The following ZNF45 variants were observed in gnomAD, a reference collection of about 807,000 sequenced individuals.
ZNF45 encodes zinc finger protein 45.
A neutral mutation model predicts 12.0 loss-of-function variants in ZNF45; 4 were observed. The ratio of observed to expected loss-of-function variants is 0.33; its 90% confidence interval spans 0.16 to 0.76. The LOEUF is 0.76. ZNF45 is among the 30% of genes least tolerant of loss of function. ZNF45 has a pLI of 0.60. For synonymous variants in ZNF45, 272 were observed against 279.6 expected (o/e 0.97, Z 0.27); for missense variants, 700 against 813.0 (o/e 0.86, Z 1.69).
At chr19:43,920,247 C>G (rs1599772286) in intron 7 of ZNF45, among the ~76,000 whole-genome samples, 1 of 151,868 alleles carries the variant, frequency 6.6e-6, no homozygotes, top group African/African-American at 2.4e-5. Context: ...ATTGATATTC[C>G]ATTTAGAATT....
At position 43,913,701 on chromosome 19, in the gene ZNF45, T is replaced by TA; in HGVS notation, c.1734_1735insT (p.Thr579TyrfsTer9). 7 of 1,613,056 alleles carry TA rather than the reference T, an allele frequency of 4.3e-6. No homozygotes were observed. Among genetic ancestry groups the TA allele is most frequent in the Non-Finnish European group, 5.9e-6 (7 of 1,179,760 alleles). ...TCACATCGGTATGGTTTTTCTCCTGTGTGGACTCCACGATGTGCCAGAAAA... is the reference window on the plus strand; with the variant it reads ...TCACATCGGTATGGTTTTTCTCCTGTAGTGGACTCCACGATGTGCCAGAAAA... On this transcript the variant is annotated frameshift_variant, in exon 10 of 10. Transcript: ENST00000269973. LOFTEE classifies it high-confidence loss of function.
intron 2 of ZNF45, among the ~76,000 whole-genome samples, chr19:43,933,409 G>A (rs56975841): frequency 0.025 from 3,732 of 152,056 alleles, 179 homozygotes; most frequent in African/African-American, 0.086. Flanking sequence ...AGCTGAGATC[G>A]TACCACTGCA....
intron 7 of ZNF45, among the ~76,000 whole-genome samples, chr19:43,920,535 T>TGGGGGGGGGGGGG (rs386389071): frequency 1.8e-4 from 4 of 22,346 alleles, no homozygotes; most frequent in Non-Finnish European, 4.8e-4. Context: ...TGTTGCCGGG[T>TGGGGGGGGGGGGG]GGGGGGGGGG....
At position 43,915,217 on chromosome 19, in the gene ZNF45, A is replaced by G. The variant is rs762883745; in HGVS notation, c.236-17T>C. 15 of 1,477,260 alleles carry G rather than the reference A, an allele frequency of 1.0e-5. No individual in the cohort carries two copies. In the Admixed American group the frequency reaches 3.3e-4, roughly 32 times the overall value. The allele number at this position is 1,477,260 out of a possible 1,614,324, so 91.5% of individuals were successfully genotyped here. Reference sequence around the variant, plus strand: ...TCTTGGCTCCTAAAAGGATAAAGAAAATGTGGAGATGGGGCATGTGAATAA... The same window carrying G: ...TCTTGGCTCCTAAAAGGATAAAGAAGATGTGGAGATGGGGCATGTGAATAA... On this transcript the variant is annotated splice_polypyrimidine_tract_variant and intron_variant, in intron 9 of 9. Transcript: ENST00000269973.
At chr19:43,922,401 C>A in intron 6 of ZNF45, 184 bp from the exon 7 acceptor site, 1 of 510,742 alleles carries the variant, frequency 2.0e-6, no homozygotes, top group Non-Finnish European at 3.5e-6. Context: ...CTACTTGTCC[C>A]TTTGGCTGTA....
intron 3 of ZNF45, chr19:43,931,488 C>T (rs113274916): frequency 0.1 from 15,439 of 151,532 alleles, 875 homozygotes; most frequent in East Asian, 0.13. Flanking sequence ...GAGCTGAGAT[C>T]GTACCATTGC....
intron 7 of ZNF45, among the ~76,000 whole-genome samples, chr19:43,920,001 GAC>G (rs1051040650): frequency 1.3e-5 from 2 of 151,930 alleles, no homozygotes; most frequent in African/African-American, 4.8e-5. Context: ...TATGATGTAC[GAC>G]AGATTTTCTT....
chr19:43,927,602 G>A (rs1260934980), intron 3 of ZNF45, among the ~76,000 whole-genome samples: 2 of 152,160 alleles, frequency 1.3e-5, no homozygotes, highest in Non-Finnish European at 2.9e-5. Flanking sequence ...AAGAAATAAA[G>A]AGATGAAAGG....
chr19:43,918,534 T>C (rs937246109), intron 9 of ZNF45, among the ~76,000 whole-genome samples: 1 of 152,188 alleles, frequency 6.6e-6, no homozygotes, highest in African/African-American at 2.4e-5. Context: ...GGTGCTGTCA[T>C]TGGATCAGGA....
chr19:43,917,055 A>G (rs1972742148), intron 9 of ZNF45, among the ~76,000 whole-genome samples: 1 of 152,226 alleles, frequency 6.6e-6, no homozygotes. Context: ...GGATGTAAAT[A>G]TATTTTTCTA....
At chr19:43,929,119 G>A (rs755820860) in intron 3 of ZNF45, among the ~76,000 whole-genome samples, 15 of 152,346 alleles carry the variant, frequency 9.8e-5, no homozygotes, top group African/African-American at 2.9e-4. Flanking sequence ...CACTGGCTGC[G>A]CCAGGCAATG....
In ZNF45 at chr19:43,914,585, C is replaced by T. The variant is rs1247070976; in HGVS notation, c.851G>A (p.Gly284Asp). 4 of 1,613,500 alleles carry T rather than the reference C, an allele frequency of 2.5e-6. No homozygotes were observed. Among genetic ancestry groups the T allele is most frequent in the African/African-American group, 2.7e-5 (2 of 74,864 alleles). Reference protein sequence around the residue: ...KPYKCEECGVGFSQRSYLQVH... With the variant: ...KPYKCEECGVDFSQRSYLQVH... Reference sequence around the variant, plus strand: ...TTGAAGATATGATCTCTGACTGAAGCCCACCCCACACTCCTCACATTTATA... The same window carrying T: ...TTGAAGATATGATCTCTGACTGAAGTCCACCCCACACTCCTCACATTTATA... The change falls in exon 10 of 10, where the codon GGC becomes GAC. Residue 284 changes from glycine to aspartate, a missense_variant. Coordinates refer to ENST00000269973, the MANE Select transcript of ZNF45 (RefSeq NM_003425.4).
intron 3 of ZNF45, among the ~76,000 whole-genome samples, chr19:43,927,435 G>A (rs372796123): frequency 6.6e-6 from 1 of 152,146 alleles, no homozygotes; most frequent in African/African-American, 2.4e-5. Flanking sequence ...GATTGTTGAA[G>A]GGTCTACTCT....
chr19:43,930,763 G>A (rs529764081), intron 3 of ZNF45, among the ~76,000 whole-genome samples: 10 of 152,210 alleles, frequency 6.6e-5, no homozygotes, highest in African/African-American at 1.7e-4. Context: ...CAAGCTATTC[G>A]TGTAATTTAA....
chr19:43,932,715 A>T (rs1974228140), intron 2 of ZNF45, 25 bp from the exon 3 acceptor site: 1 of 152,230 alleles, frequency 6.6e-6, no homozygotes, highest in Admixed American at 6.5e-5. Flanking sequence ...ATAGGAAACC[A>T]AGAGTTATAT....
chr19:43,922,351 G>T (rs1370482174), intron 6 of ZNF45, 134 bp from the exon 7 acceptor site: 3 of 587,490 alleles, frequency 5.1e-6, no homozygotes, highest in Non-Finnish European at 8.8e-6. Context: ...TCCTTCCTCG[G>T]GCTGGCTTGA....
chr19:43,916,626 A>G (rs904854989), intron 9 of ZNF45, among the ~76,000 whole-genome samples: 1 of 152,188 alleles, frequency 6.6e-6, no homozygotes, highest in African/African-American at 2.4e-5. Flanking sequence ...CCACTTTATC[A>G]TCACCCAAGA....
chr19:43,929,959 A>G (rs1599790646), intron 3 of ZNF45: 1 of 152,228 alleles, frequency 6.6e-6, no homozygotes, highest in South Asian at 2.1e-4. Flanking sequence ...GTGTTCAGCC[A>G]CCTCCTGCCA....
In ZNF45 at chr19:43,915,221, T is replaced by TAA. The variant is rs777355791; in HGVS notation, c.236-22_236-21insTT. ...GGCTCCTAAAAGGATAAAGAAAATG[T>TAA]GGAGATGGGGCATGTGAATAATGTT... On this transcript the variant is annotated intron_variant, in intron 9 of 9. Coordinates refer to ENST00000269973, the MANE Select transcript of ZNF45 (RefSeq NM_003425.4). 2.7e-6 allele frequency: 4 copies of TAA among 1,476,260 alleles called. No homozygotes were observed. In the Admixed American group the frequency reaches 9.3e-5, roughly 34 times the overall value. The allele number at this position is 1,476,260 out of a possible 1,614,324, so 91.4% of individuals were successfully genotyped here. A position where few individuals can be genotyped will look rare whatever the true frequency, so the allele number is the denominator to read the frequency against.
Sources: allele counts gnomAD v4.1 joint callset (sites outside exome capture counted in the v4.1 genomes callset), GRCh38; gene constraint gnomAD v4.1.1; transcripts MANE v1.5; gene names NCBI Gene and HGNC (gene_info 2026-07-23, HGNC 2026-07-21).